The following BUB1 variants were observed in gnomAD, a reference collection of about 807,000 sequenced individuals.
BUB1 encodes BUB1 mitotic checkpoint serine/threonine kinase.
Under a neutral mutation model 135.2 loss-of-function variants are expected in BUB1, and 84 were observed. The observed-to-expected ratio is 0.62, with a 90% CI of 0.52 to 0.74. The LOEUF is 0.74. Among genes scored for constraint, BUB1 ranks in the 30% least tolerant of loss-of-function variants. BUB1 has a pLI of 0.00. For synonymous variants in BUB1, 403 were observed against 434.4 expected, an observed-to-expected ratio of 0.93 and a Z score of 0.90; for missense variants, 1,162 against 1,288.3, an observed-to-expected ratio of 0.90 and a Z score of 1.50.
intron 3 of BUB1, among the ~76,000 whole-genome samples, chr2:110,673,067 A>G (rs1690466694): frequency 6.6e-6 from 1 of 152,210 alleles, no homozygotes; most frequent in Non-Finnish European, 1.5e-5. Flanking sequence ...TAAGCCAATC[A>G]CCAATGGCCA....
Position 110,664,505 on chromosome 2 carries a change from G to A in BUB1, c.957+1758C>T, listed in dbSNP as rs961081796. 3.3e-5 allele frequency among the ~76,000 whole-genome samples: 5 copies of A among 151,528 alleles called. No individual in the cohort carries two copies. In the East Asian group the frequency reaches 5.8e-4, roughly 18 times the overall value. On this transcript the variant is annotated intron_variant, in intron 9 of 24. Coordinates refer to ENST00000302759, the MANE Select transcript of BUB1 (RefSeq NM_004336.5). ...AACCAAATTATCAACCAAATGTGACGGTAAAATAAAGATGCTTTTAGACAT... is the reference window on the plus strand; with the variant it reads ...AACCAAATTATCAACCAAATGTGACAGTAAAATAAAGATGCTTTTAGACAT...
At chr2:110,675,025 C>T (rs2104563076) in intron 1 of BUB1, 1 of 152,886 alleles carries the variant, frequency 6.5e-6, no homozygotes, top group African/African-American at 2.4e-5. Flanking sequence ...AAGTAGAGTT[C>T]CCAGACACAG....
intron 4 of BUB1, among the ~76,000 whole-genome samples, chr2:110,671,688 G>T (rs549645945): frequency 1.3e-5 from 2 of 151,966 alleles, no homozygotes; most frequent in South Asian, 2.1e-4. Flanking sequence ...TCTATGAAAA[G>T]AAACTAAGTA....
Position 110,641,387 on chromosome 2 carries a change from C to CGAAT in BUB1, c.2702_2703insATTC (p.Met901IlefsTer7). 6.2e-7 allele frequency: 1 copy of CGAAT among 1,614,098 alleles called. No individual in the cohort carries two copies. The highest frequency in any genetic ancestry group is 8.5e-7 in the Non-Finnish European group (1 of 1,180,010). On this transcript the variant is annotated frameshift_variant, in exon 22 of 25. Coordinates refer to ENST00000302759, the MANE Select transcript of BUB1 (RefSeq NM_004336.5). LOFTEE classifies it high-confidence loss of function. The stretch of plus-strand genomic sequence containing the variant: ...CATGCACTTGCTCAATCATGTAAAG[C>CGAAT]ATTCTCATAGCAAAAGAGATGACAA...
rs781291484 is a variant in BUB1 at position 110,667,800 on chromosome 2, T to C, written c.617A>G (p.Asn206Ser). The stretch of plus-strand genomic sequence containing the variant: ...TTAATGCACTGATTATACTTGCATA[T>C]TTGACTCTTTATCACAAGCTGAAGA... ...VISSACDKES[N>S]MERRVITISK... Residue 206 changes from asparagine (N) to serine (S), a missense_variant, in exon 7 of 25, where the codon AAT becomes AGT. Coordinates refer to ENST00000302759, the MANE Select transcript of BUB1 (RefSeq NM_004336.5). 9 of 1,613,270 alleles carry C rather than the reference T, an allele frequency of 5.6e-6. No homozygotes were observed. Among genetic ancestry groups the C allele is most frequent in the Admixed American group, 1.7e-5 (1 of 59,912 alleles).
intron 19 of BUB1, among the ~76,000 whole-genome samples, chr2:110,646,515 ATTC>A (rs1689652432): frequency 6.6e-6 from 1 of 152,186 alleles, no homozygotes; most frequent in Non-Finnish European, 1.5e-5. Context: ...CAGAATATAC[ATTC>A]TTCTCAAGCT....
Position 110,646,369 on chromosome 2 carries a change from G to A in BUB1, c.2347+2865C>T, listed in dbSNP as rs560638623. Among the ~76,000 whole-genome samples, 262 of 150,940 alleles carry A rather than the reference G, an allele frequency of 1.7e-3. 1 individual carries two copies. The highest frequency in any genetic ancestry group is 2.2e-3 in the Non-Finnish European group (148 of 67,728). On this transcript the variant is annotated intron_variant, in intron 19 of 24. Transcript: ENST00000302759. Reference sequence around the variant, plus strand: ...AAGAAAAGAAGGGGAGGGGAGGGGAGGGGCGGGACAGGGAGGGACGGGAAG... The same window carrying A: ...AAGAAAAGAAGGGGAGGGGAGGGGAAGGGCGGGACAGGGAGGGACGGGAAG...
At chr2:110,653,265 C>A (rs774278932) in intron 17 of BUB1, among the ~76,000 whole-genome samples, 171 bp downstream of exon 17, 1 of 152,190 alleles carries the variant, frequency 6.6e-6, no homozygotes, top group Non-Finnish European at 1.5e-5. Context: ...TGTATATTCA[C>A]GGAGAGTACC....
chr2:110,653,387 T>C (rs748008578), intron 17 of BUB1, 49 bp downstream of exon 17: 1 of 1,556,550 alleles, frequency 6.4e-7, no homozygotes, highest in East Asian at 2.2e-5. Context: ...TAAACAATGT[T>C]AGAATGAAAA....
At chr2:110,671,432 T>G (rs1308793163) in intron 4 of BUB1, among the ~76,000 whole-genome samples, 1 of 152,212 alleles carries the variant, frequency 6.6e-6, no homozygotes, top group Non-Finnish European at 1.5e-5. Flanking sequence ...TAATTTTTTC[T>G]TTTTTATGTG....
At chr2:110,667,999 A>C (rs758881651) in intron 6 of BUB1, 150 bp from the exon 7 acceptor site, 35 of 671,114 alleles carry the variant, frequency 5.2e-5, no homozygotes, top group Non-Finnish European at 7.9e-5. Context: ...GATTAATATC[A>C]AAAGATTGTT....
chr2:110,652,498 A>G (rs1380452113), intron 17 of BUB1, among the ~76,000 whole-genome samples: 1 of 152,214 alleles, frequency 6.6e-6, no homozygotes, highest in Non-Finnish European at 1.5e-5. Flanking sequence ...GTTGCTGGAC[A>G]TAAATTCAAT....
At chr2:110,638,862 A>G (rs1689426394) in intron 24 of BUB1, among the ~76,000 whole-genome samples, 1 of 152,218 alleles carries the variant, frequency 6.6e-6, no homozygotes, top group African/African-American at 2.4e-5. Context: ...GCTTTCCTCC[A>G]GGGCCTGAAC....
chr2:110,638,499 C>G (rs1346623061), intron 24 of BUB1, among the ~76,000 whole-genome samples: 1 of 152,200 alleles, frequency 6.6e-6, no homozygotes, highest in African/African-American at 2.4e-5. Flanking sequence ...ATTGGATAAT[C>G]TGGACAAATG....
intron 5 of BUB1, 55 bp downstream of exon 5, chr2:110,670,470 T>A: frequency 6.3e-7 from 1 of 1,592,244 alleles, no homozygotes; most frequent in Non-Finnish European, 8.6e-7. Context: ...AAAATACTAG[T>A]ACAAATCCAA....
rs778717655 is a variant in BUB1, at chr2:110,667,765, T to C, written c.620+32A>G. On this transcript the variant is annotated intron_variant, in intron 7 of 24. Transcript: ENST00000302759. ...GTACCTAAGAGCACTTAAAGGAAAC[T>C]AATAATAGATTAATGCACTGATTAT... 18 of 1,610,520 alleles carry C rather than the reference T, an allele frequency of 1.1e-5. No individual in the cohort carries two copies. The South Asian group carries it at 2.0e-4, about 18-fold the overall frequency.
At chr2:110,668,230 C>T (rs994843658) in intron 6 of BUB1, among the ~76,000 whole-genome samples, 1 of 151,838 alleles carries the variant, frequency 6.6e-6, no homozygotes, top group African/African-American at 2.4e-5. Flanking sequence ...TAAAATTTTC[C>T]TCAGGTACTA....
chr2:110,651,244 T>C (rs560990011), intron 17 of BUB1, among the ~76,000 whole-genome samples: 1 of 152,276 alleles, frequency 6.6e-6, no homozygotes, highest in African/African-American at 2.4e-5. Flanking sequence ...GAGGACAGCA[T>C]ATGCAATGGT....
chr2:110,663,219 G>A (rs1690147522), intron 9 of BUB1, among the ~76,000 whole-genome samples: 2 of 152,172 alleles, frequency 1.3e-5, no homozygotes, highest in Non-Finnish European at 2.9e-5. Flanking sequence ...AGCGGAGGTT[G>A]CAGTGAGCGG....
Sources: allele counts gnomAD v4.1 joint callset (sites outside exome capture counted in the v4.1 genomes callset), GRCh38; gene constraint gnomAD v4.1.1; transcripts MANE v1.5; gene names NCBI Gene and HGNC (gene_info 2026-07-23, HGNC 2026-07-21).